CLCN3: variants seen among roughly 807,000 people sequenced by gnomAD.
CLCN3 encodes the protein H(+)/Cl(-) exchange transporter 3.
CLCN3 carries 16 observed loss-of-function variants against 83.4 expected under a neutral mutation model. The ratio of observed to expected loss-of-function variants is 0.19; its 90% CI spans 0.13 to 0.29. The LOEUF (loss-of-function observed/expected upper bound fraction) is 0.29. Among genes scored for constraint, CLCN3 ranks in the 10% least tolerant of loss-of-function variants. The pLI is 1.00. For synonymous variants in CLCN3, 322 were observed against 346.2 expected (o/e 0.93, Z 0.78); for missense variants, 544 against 1,006.0 (o/e 0.54, Z 6.21).
chr4:169,705,968 C>G (rs62346182), intron 10 of CLCN3, among the ~76,000 whole-genome samples: 8,865 of 149,924 alleles, frequency 0.059, 403 homozygotes, highest in Non-Finnish European at 0.095. Flanking sequence ...GAGTTTGAGA[C>G]CAGCCTGGGC....
intron 2 of CLCN3, among the ~76,000 whole-genome samples, chr4:169,650,731 C>T (rs1202098422): frequency 6.6e-6 from 1 of 152,156 alleles, no homozygotes; most frequent in African/African-American, 2.4e-5. Context: ...TTATTCTAAG[C>T]AGGGTCATGT....
At chr4:169,644,881 CAAG>C (rs1730529407) in intron 2 of CLCN3, among the ~76,000 whole-genome samples, 1 of 151,944 alleles carries the variant, frequency 6.6e-6, no homozygotes, top group South Asian at 2.1e-4. Context: ...ATAATGGAAA[CAAG>C]AAGTCATGTG....
chr4:169,660,478 T>G, intron 2 of CLCN3: 1 of 1,296,022 alleles, frequency 7.7e-7, no homozygotes, highest in East Asian at 3.0e-5. Flanking sequence ...GTGAATTCTC[T>G]GTTGGTATGT....
chr4:169,697,777 T>C, intron 9 of CLCN3, 43 bp downstream of exon 9: 1 of 1,347,138 alleles, frequency 7.4e-7, no homozygotes. Context: ...TTTTGGCATG[T>C]TCAAAACTTA....
chr4:169,643,522 G>A (rs1480796360), intron 2 of CLCN3, among the ~76,000 whole-genome samples: 6 of 152,072 alleles, frequency 3.9e-5, no homozygotes, highest in South Asian at 2.1e-4. Flanking sequence ...GCACCACTGC[G>A]CCTGGCCTCA....
intron 10 of CLCN3, among the ~76,000 whole-genome samples, chr4:169,704,685 T>A (rs1332559408): frequency 6.6e-6 from 1 of 152,156 alleles, no homozygotes; most frequent in Non-Finnish European, 1.5e-5. Flanking sequence ...TGAGAAAAGG[T>A]AACTTCATTT....
intron 1 of CLCN3, among the ~76,000 whole-genome samples, chr4:169,629,308 A>G (rs752871356): frequency 1.3e-5 from 2 of 152,344 alleles, no homozygotes; most frequent in Non-Finnish European, 2.9e-5. Flanking sequence ...TTGTAACTAC[A>G]TGTGGAACCA....
intron 2 of CLCN3, among the ~76,000 whole-genome samples, chr4:169,661,515 TG>T (rs1031523696): frequency 6.6e-6 from 1 of 152,152 alleles, no homozygotes; most frequent in Admixed American, 6.6e-5. Context: ...AAATGTCTGT[TG>T]GTTGCATTGT....
At chr4:169,671,296 A>G (rs1731446698) in intron 2 of CLCN3, among the ~76,000 whole-genome samples, 1 of 152,216 alleles carries the variant, frequency 6.6e-6, no homozygotes, top group African/African-American at 2.4e-5. Context: ...TGTCCTTTGC[A>G]GGGACATGGA....
At chr4:169,646,004 T>C in intron 2 of CLCN3, among the ~76,000 whole-genome samples, 1 of 152,206 alleles carries the variant, frequency 6.6e-6, no homozygotes, top group South Asian at 2.1e-4. Context: ...CCTATGTACA[T>C]AGTTCTGTTT....
At chr4:169,667,144 G>C (rs190173242) in intron 2 of CLCN3, among the ~76,000 whole-genome samples, 1 of 151,998 alleles carries the variant, frequency 6.6e-6, no homozygotes, top group Non-Finnish European at 1.5e-5. Context: ...TTTAGATCTA[G>C]GATCCATTTT....
intron 2 of CLCN3, among the ~76,000 whole-genome samples, chr4:169,678,487 A>T (rs2150236256): frequency 6.6e-6 from 1 of 152,272 alleles, no homozygotes; most frequent in South Asian, 2.1e-4. Context: ...GCAGGGTCAT[A>T]GGACAATAGT....
intron 2 of CLCN3, among the ~76,000 whole-genome samples, chr4:169,637,892 A>G (rs1419458737): frequency 1.3e-5 from 2 of 152,216 alleles, no homozygotes; most frequent in Non-Finnish European, 2.9e-5. Flanking sequence ...TTTGTCATGT[A>G]TCAAGTGGCT....
At chr4:169,689,559 G>A (rs1289281823) in intron 5 of CLCN3, among the ~76,000 whole-genome samples, 1 of 152,140 alleles carries the variant, frequency 6.6e-6, no homozygotes, top group African/African-American at 2.4e-5. Context: ...TACTAAGATT[G>A]GGAAGTTTGA....
At chr4:169,634,256 T>G (rs939045594) in intron 1 of CLCN3, among the ~76,000 whole-genome samples, 1 of 152,246 alleles carries the variant, frequency 6.6e-6, no homozygotes, top group Non-Finnish European at 1.5e-5. Flanking sequence ...CTTAGTGCTG[T>G]GTAGCCTCTA....
chr4:169,667,611 T>C (rs1174961728), intron 2 of CLCN3, among the ~76,000 whole-genome samples: 3 of 151,986 alleles, frequency 2.0e-5, no homozygotes, highest in Non-Finnish European at 4.4e-5. Flanking sequence ...AACTATGAGA[T>C]GCATGAATGA....
intron 2 of CLCN3, among the ~76,000 whole-genome samples, chr4:169,664,177 T>C (rs1731163942): frequency 1.3e-5 from 2 of 152,100 alleles, no homozygotes; most frequent in Admixed American, 1.3e-4. Context: ...AAGGTGGAAG[T>C]TGGAAGAGTG....
chr4:169,632,614 G>C (rs57283948), intron 1 of CLCN3, among the ~76,000 whole-genome samples: 1 of 151,594 alleles, frequency 6.6e-6, no homozygotes, highest in Non-Finnish European at 1.5e-5. Flanking sequence ...GTACTCGGGA[G>C]GCTGAGGCAG....
intron 2 of CLCN3, chr4:169,662,808 T>C (rs1258332918): frequency 6.6e-6 from 1 of 152,192 alleles, no homozygotes; most frequent in African/African-American, 2.4e-5. Flanking sequence ...ATACTATTGA[T>C]AGATTAGAAA....
Sources: allele counts gnomAD v4.1 joint callset (sites outside exome capture counted in the v4.1 genomes callset), GRCh38; gene constraint gnomAD v4.1.1; transcripts MANE v1.5; gene names NCBI Gene and HGNC (gene_info 2026-07-23, HGNC 2026-07-21).